AFF1: variants seen among roughly 807,000 people sequenced by gnomAD.
AFF1 encodes AF4/FMR2 family member 1.
A neutral mutation model predicts 121.7 loss-of-function variants in AFF1; 48 were observed. The observed-to-expected ratio is 0.39, with a 90% confidence interval of 0.31 to 0.50. AFF1 has a LOEUF of 0.50. AFF1 is among the 20% of genes least tolerant of loss of function. The pLI is 0.76. For synonymous variants in AFF1, 613 were observed against 563.0 expected, an observed-to-expected ratio of 1.09 and a Z score of -1.26; for missense variants, 1,523 against 1,511.7, an observed-to-expected ratio of 1.01 and a Z score of -0.12.
intron 2 of AFF1, among the ~76,000 whole-genome samples, chr4:87,041,961 G>T (rs2149603943): frequency 6.6e-6 from 1 of 151,154 alleles, no homozygotes; most frequent in East Asian, 1.9e-4. Flanking sequence ...GTTGCAGTGA[G>T]CTGAGATCAC....
At chr4:87,049,435 T>C (rs187395409) in intron 4 of AFF1, among the ~76,000 whole-genome samples, 2 of 152,290 alleles carry the variant, frequency 1.3e-5, no homozygotes, top group East Asian at 3.9e-4. Context: ...TGGGTGGAAA[T>C]AAGTAGGCTG....
At chr4:86,964,159 C>T (rs538012949) in intron 2 of AFF1, among the ~76,000 whole-genome samples, 1 of 148,764 alleles carries the variant, frequency 6.7e-6, no homozygotes, top group African/African-American at 2.5e-5. Flanking sequence ...GAGTCTCGCC[C>T]CGTCACCAGG....
chr4:86,972,435 A>G (rs1723012950), intron 2 of AFF1, among the ~76,000 whole-genome samples: 1 of 152,190 alleles, frequency 6.6e-6, no homozygotes, highest in Admixed American at 6.5e-5. Flanking sequence ...ATGTCATGGT[A>G]TAATACAGAT....
intron 2 of AFF1, chr4:87,007,228 AGCCCGGGGCTGCGCCGAGGAC>A (rs1224047500): frequency 3.4e-6 from 5 of 1,463,026 alleles, no homozygotes; most frequent in East Asian, 2.4e-5. Flanking sequence ...ATACGGGCCG[AGCCCGGGGCTGCGCCGAGGAC>A]GCCCGGGGCT....
intron 3 of AFF1, 130 bp downstream of exon 3, chr4:87,046,416 AT>A: frequency 1.5e-6 from 2 of 1,315,784 alleles, no homozygotes; most frequent in Non-Finnish European, 1.0e-6. Context: ...ATTCTAACTT[AT>A]TCTAGAGATT....
rs944644897 is a variant in AFF1 at position 86,935,110 on chromosome 4, A to C, written c.-167A>C. The C allele has an allele frequency of 7.2e-5, 11 of 152,344 alleles. No homozygotes were observed. The highest frequency in any genetic ancestry group is 3.4e-3 in the Middle Eastern group (1 of 292). The allele number at this position is 152,344 out of a possible 1,614,324, so 9.4% of individuals were successfully genotyped here. On this transcript the variant is annotated 5_prime_UTR_variant, in exon 1 of 21. Coordinates refer to ENST00000395146, the MANE Select transcript of AFF1 (RefSeq NM_001166693.3). ...TGCACCTTTGCCTCCGCGGTTCCGCAGCCGAGCCCCGGGAGGAGGCGCTCC... is the reference window on the plus strand; with the variant it reads ...TGCACCTTTGCCTCCGCGGTTCCGCCGCCGAGCCCCGGGAGGAGGCGCTCC...
intron 2 of AFF1, among the ~76,000 whole-genome samples, chr4:86,992,002 T>G (rs1307573856): frequency 6.6e-6 from 1 of 152,188 alleles, no homozygotes; most frequent in Non-Finnish European, 1.5e-5. Context: ...CTAGCTGAGC[T>G]TGAAAGTAAC....
chr4:87,134,585 C>T lies in AFF1; in HGVS notation c.3426C>T (p.Thr1142=). ...GTGGGGTGGCTGCCACTATCAGCAC[C>T]CCAGTCACCATCCAGAATATGACAT... The part of the protein sequence containing the change: ...GSSGVAATIS[T]PVTIQNMTSS... The change falls in exon 20 of 21, where the codon ACC becomes ACT. Residue 1142 remains threonine (T), a synonymous_variant. Coordinates refer to ENST00000395146, the MANE Select transcript of AFF1 (RefSeq NM_001166693.3). The T allele has an allele frequency of 6.2e-7, 1 of 1,614,142 alleles. No individual in the cohort carries two copies. The highest frequency in any genetic ancestry group is 8.5e-7 in the Non-Finnish European group (1 of 1,180,018).
intron 2 of AFF1, among the ~76,000 whole-genome samples, chr4:87,001,970 A>C (rs563313883): frequency 6.6e-6 from 1 of 152,338 alleles, no homozygotes; most frequent in South Asian, 2.1e-4. Context: ...GATTTGACCT[A>C]TGTGACGTTT....
intron 12 of AFF1, among the ~76,000 whole-genome samples, chr4:87,121,266 C>T (rs892349063): frequency 3.3e-5 from 5 of 152,182 alleles, no homozygotes; most frequent in African/African-American, 1.2e-4. Flanking sequence ...GAGAGAGTAT[C>T]ACCTCATCTG....
intron 2 of AFF1, among the ~76,000 whole-genome samples, chr4:87,029,112 A>T (rs1728817343): frequency 6.6e-6 from 1 of 152,168 alleles, no homozygotes; most frequent in Non-Finnish European, 1.5e-5. Context: ...AGATACCTGG[A>T]TGCCTGTTAC....
At chr4:87,101,576 C>T (rs1714220024) in intron 8 of AFF1, among the ~76,000 whole-genome samples, 1 of 104,316 alleles carries the variant, frequency 9.6e-6, no homozygotes, top group African/African-American at 3.2e-5. Flanking sequence ...GAGACCTTGT[C>T]TGAAAAAGAA....
At chr4:87,060,835 C>CAAAAAAAAAAAAAAAAAAAAA (rs749186199) in intron 4 of AFF1, among the ~76,000 whole-genome samples, 8 of 62,284 alleles carry the variant, frequency 1.3e-4, no homozygotes, top group Admixed American at 3.4e-4. Context: ...GACTCTGTCT[C>CAAAAAAAAAAAAAAAAAAAAA]AAAAAAAAAA....
At chr4:87,058,560 T>G (rs746943419) in intron 4 of AFF1, among the ~76,000 whole-genome samples, 4 of 152,114 alleles carry the variant, frequency 2.6e-5, no homozygotes, top group Non-Finnish European at 5.9e-5. Flanking sequence ...TCTCTTTCTG[T>G]TTAATCTCAC....
intron 2 of AFF1, among the ~76,000 whole-genome samples, chr4:87,038,065 C>G (rs1022053690): frequency 6.6e-6 from 1 of 152,150 alleles, no homozygotes; most frequent in Non-Finnish European, 1.5e-5. Context: ...TTGAGATAAT[C>G]CCCTGGGGGC....
At chr4:87,035,536 C>T (rs186657547) in intron 2 of AFF1, among the ~76,000 whole-genome samples, 1 of 150,046 alleles carries the variant, frequency 6.7e-6, no homozygotes, top group Admixed American at 6.7e-5. Flanking sequence ...ACTCCAGCCT[C>T]GGCGACAGAG....
chr4:87,032,860 T>C (rs1729204738), intron 2 of AFF1, among the ~76,000 whole-genome samples: 1 of 152,162 alleles, frequency 6.6e-6, no homozygotes, highest in Middle Eastern at 3.2e-3. Flanking sequence ...CAACAATAAA[T>C]GTTTCAAGCT....
chr4:87,063,256 T>TTTTTTGA (rs869168821), intron 4 of AFF1, among the ~76,000 whole-genome samples: 6 of 134,622 alleles, frequency 4.5e-5, no homozygotes, highest in African/African-American at 1.2e-4. Flanking sequence ...TTTTTTTTTT[T>TTTTTTGA]GAGACAGAGT....
chr4:86,941,457 G>A (rs971382430), intron 1 of AFF1, among the ~76,000 whole-genome samples: 1 of 152,136 alleles, frequency 6.6e-6, no homozygotes, highest in Non-Finnish European at 1.5e-5. Flanking sequence ...TCAGGAGTTC[G>A]AGTTGAGCCT....
Sources: allele counts gnomAD v4.1 joint callset (sites outside exome capture counted in the v4.1 genomes callset), GRCh38; gene constraint gnomAD v4.1.1; transcripts MANE v1.5; gene names NCBI Gene and HGNC (gene_info 2026-07-23, HGNC 2026-07-21).